Variants in SRPK2 observed in about 807,000 individuals in gnomAD.
The protein encoded by SRPK2 is SFRS protein kinase 2.
In SRPK2, 21 loss-of-function variants were observed where a neutral mutation model predicts 90.8. The ratio of observed to expected loss-of-function variants is 0.23; its 90% CI spans 0.16 to 0.33. SRPK2 has a LOEUF of 0.33. Among genes scored for constraint, SRPK2 ranks in the 10% least tolerant of loss-of-function variants. The probability of loss-of-function intolerance (pLI) is 1.00; values close to 1 mark genes in which losing one functional copy is unlikely to be tolerated. For missense variants in SRPK2, 620 were observed against 869.0 expected, an observed-to-expected ratio of 0.71 and a Z score of 3.60; for synonymous variants, 288 against 311.1, an observed-to-expected ratio of 0.93 and a Z score of 0.78.
chr7:105,354,241 T>C (rs1434258673), intron 2 of SRPK2, among the ~76,000 whole-genome samples: 2 of 152,178 alleles, frequency 1.3e-5, no homozygotes, highest in African/African-American at 4.8e-5. Flanking sequence ...TGTCCTCCAT[T>C]CATTCTTCTC....
chr7:105,313,443 T>C (rs1188608227), intron 2 of SRPK2, among the ~76,000 whole-genome samples: 3 of 113,558 alleles, frequency 2.6e-5, no homozygotes, highest in Admixed American at 2.0e-4. Context: ...TGAGACTCCA[T>C]CTCAAAAAAA....
intron 2 of SRPK2, among the ~76,000 whole-genome samples, chr7:105,253,709 T>C (rs1164416925): frequency 3.3e-5 from 5 of 151,982 alleles, no homozygotes; most frequent in Middle Eastern, 3.4e-3. Flanking sequence ...GAAAGAAAAA[T>C]GAAAAGGTCT....
At position 105,142,176 on chromosome 7, in the gene SRPK2, A is replaced by C. The variant is rs755126244; in HGVS notation, c.1375T>G (p.Ser459Ala). Residue 459 changes from serine (S) to alanine (A), a missense_variant, in exon 11 of 16, where the codon TCA (serine) becomes GCA (alanine). Transcript: ENST00000393651. ...GAGGTGGAAAACTCTGGGAACTGTG[A>C]CTCGGGAATTTTATGTCGTCCATTT... Reference protein sequence around the residue: ...LPNGRHKIPESQFPEFSTSLF... With the variant: ...LPNGRHKIPEAQFPEFSTSLF... The C allele has an allele frequency of 1.9e-6, 3 of 1,614,094 alleles. No individual in the cohort carries two copies. The highest frequency in any genetic ancestry group is 2.5e-6 in the Non-Finnish European group (3 of 1,180,020).
chr7:105,184,012 G>A (rs1267123169), intron 3 of SRPK2, among the ~76,000 whole-genome samples: 1 of 113,576 alleles, frequency 8.8e-6, no homozygotes, highest in African/African-American at 3.5e-5. Context: ...GAGTCTCTCT[G>A]TTGTGCAGGC....
At chr7:105,387,588 G>A (rs1344387944) in intron 2 of SRPK2, among the ~76,000 whole-genome samples, 2 of 150,600 alleles carry the variant, frequency 1.3e-5, no homozygotes, top group South Asian at 2.1e-4. Context: ...CAACGAGAAG[G>A]GGAAAAAAGT....
chr7:105,202,403 A>C (rs985339649), intron 3 of SRPK2, among the ~76,000 whole-genome samples: 1 of 152,230 alleles, frequency 6.6e-6, no homozygotes, highest in Admixed American at 6.5e-5. Context: ...TACAATTTTT[A>C]AAATCTGTAG....
chr7:105,232,458 T>TAAAAAAAAAAAAAAAA (rs10533429), intron 2 of SRPK2, among the ~76,000 whole-genome samples: 10 of 132,056 alleles, frequency 7.6e-5, no homozygotes, highest in African/African-American at 2.6e-4. Flanking sequence ...AAACCTTATC[T>TAAAAAAAAAAAAAAAA]AAAAAAAAAA....
intron 2 of SRPK2, among the ~76,000 whole-genome samples, chr7:105,370,064 T>C (rs1336769220): frequency 6.6e-6 from 1 of 151,174 alleles, no homozygotes; most frequent in Non-Finnish European, 1.5e-5. Context: ...GTGACCAAAG[T>C]AGCTAGCTGG....
At chr7:105,220,915 G>T (rs1050896838) in intron 2 of SRPK2, among the ~76,000 whole-genome samples, 1 of 152,068 alleles carries the variant, frequency 6.6e-6, no homozygotes, top group Non-Finnish European at 1.5e-5. Flanking sequence ...GGGGCAGGAA[G>T]AGCTATACAA....
At chr7:105,303,479 T>C (rs1810811690) in intron 2 of SRPK2, among the ~76,000 whole-genome samples, 1 of 151,710 alleles carries the variant, frequency 6.6e-6, no homozygotes, top group Non-Finnish European at 1.5e-5. Flanking sequence ...AAAAATGACC[T>C]GAGTAAAAAG....
rs1246840842 is a variant in SRPK2 at position 105,331,322 on chromosome 7, AAAAAAAAAAAAAAAAC to A, written c.71+57310_71+57325del. On this transcript the variant is annotated intron_variant, in intron 2 of 15. Coordinates refer to ENST00000393651, the MANE Select transcript of SRPK2 (RefSeq NM_182692.3). ...AGACTCCGTCTCAAAAAAAAAAAAA[AAAAAAAAAAAAAAAAC>A]AAATAGTTATTACACAATTAATCTG... is the stretch of plus-strand genomic sequence containing the variant. 6.0e-5 allele frequency among the ~76,000 whole-genome samples: 8 copies of A among 133,862 alleles called. No homozygotes were observed. The East Asian group carries it at 1.3e-3, about 21-fold the overall frequency. 87.8% of individuals were successfully genotyped at this position (133,862 alleles called of 152,430 possible).
chr7:105,232,302 A>T (rs187816796), intron 2 of SRPK2, among the ~76,000 whole-genome samples: 1 of 152,226 alleles, frequency 6.6e-6, no homozygotes, highest in East Asian at 1.9e-4. Context: ...TCTACTAAAA[A>T]TACAAAATTA....
At chr7:105,333,314 T>C (rs1384540753) in intron 2 of SRPK2, among the ~76,000 whole-genome samples, 1 of 152,204 alleles carries the variant, frequency 6.6e-6, no homozygotes, top group African/African-American at 2.4e-5. Context: ...TACCCAGAAA[T>C]GTTTATTGTA....
At chr7:105,191,882 CTT>C (rs1323159078) in intron 3 of SRPK2, among the ~76,000 whole-genome samples, 2 of 144,064 alleles carry the variant, frequency 1.4e-5, no homozygotes, top group Admixed American at 7.0e-5. Flanking sequence ...ACAAAAAAAA[CTT>C]TTTTTTTTTT....
intron 13 of SRPK2, among the ~76,000 whole-genome samples, chr7:105,132,467 C>CATT (rs1181243429): frequency 3.9e-5 from 6 of 152,214 alleles, no homozygotes; most frequent in African/African-American, 1.4e-4. Flanking sequence ...ATACCCTGCA[C>CATT]ATTTTCAGGG....
At chr7:105,129,352 A>G (rs1301703426) in intron 13 of SRPK2, among the ~76,000 whole-genome samples, 1 of 152,116 alleles carries the variant, frequency 6.6e-6, no homozygotes, top group Non-Finnish European at 1.5e-5. Flanking sequence ...AACAGGGCAA[A>G]TGCACATTAC....
intron 3 of SRPK2, among the ~76,000 whole-genome samples, chr7:105,177,585 A>G (rs549817810): frequency 8.5e-5 from 13 of 152,324 alleles, no homozygotes; most frequent in African/African-American, 1.9e-4. Context: ...AGGTTTACCA[A>G]TTCTAACAAA....
At chr7:105,396,103 C>CG (rs1233135274) in intron 1 of SRPK2, among the ~76,000 whole-genome samples, 1 of 151,498 alleles carries the variant, frequency 6.6e-6, no homozygotes, top group Non-Finnish European at 1.5e-5. Flanking sequence ...TTAGTAGAGA[C>CG]GGGGTTTCTC....
chr7:105,229,255 A>C lies in SRPK2; in HGVS notation c.72-25470T>G, dbSNP rs569407616. On this transcript the variant is annotated intron_variant, in intron 2 of 15. Coordinates refer to ENST00000393651, the MANE Select transcript of SRPK2 (RefSeq NM_182692.3). ...GTCGCGGGCAGATCACGAGGTCAGG[A>C]GATCGAGACCATCCTTGCTAACACG... Among the ~76,000 whole-genome samples, 3 of 152,292 alleles carry C rather than the reference A, an allele frequency of 2.0e-5. No homozygotes were observed. In the South Asian group the frequency reaches 6.2e-4, roughly 32 times the overall value.
Sources: gnomAD v4.1 joint callset for allele counts (sites outside exome capture counted in the v4.1 genomes callset) on GRCh38, gnomAD v4.1.1 for gene constraint, MANE v1.5 for transcripts, NCBI Gene and HGNC (gene_info 2026-07-23, HGNC 2026-07-21) for gene names.